The following NRXN3 variants were observed in gnomAD, a reference collection of about 807,000 sequenced individuals.
NRXN3 encodes the protein neurexin 3.
NRXN3 carries 32 observed loss-of-function variants against 137.6 expected under a neutral mutation model. The observed-to-expected ratio is 0.23, with a 90% confidence interval of 0.18 to 0.31. NRXN3 has a LOEUF of 0.31. NRXN3 is among the 10% of genes least tolerant of loss of function. NRXN3 has a pLI of 1.00. For synonymous variants in NRXN3, 798 were observed against 784.5 expected (o/e 1.02, Z -0.29); for missense variants, 1,574 against 2,062.5 (o/e 0.76, Z 4.59).
At chr14:79,154,631 C>A (rs921015469) in intron 15 of NRXN3, among the ~76,000 whole-genome samples, 1 of 151,738 alleles carries the variant, frequency 6.6e-6, no homozygotes, top group Non-Finnish European at 1.5e-5. Context: ...CCTCATTTAA[C>A]CTCTCTAGAC....
At chr14:79,536,523 C>A (rs985296729) in intron 16 of NRXN3, among the ~76,000 whole-genome samples, 1 of 151,420 alleles carries the variant, frequency 6.6e-6, no homozygotes, top group Non-Finnish European at 1.5e-5. Flanking sequence ...TAGGTAAATG[C>A]ATTCCATGGT....
At chr14:79,231,915 A>T (rs2072279287) in intron 15 of NRXN3, among the ~76,000 whole-genome samples, 1 of 152,130 alleles carries the variant, frequency 6.6e-6, no homozygotes, top group African/African-American at 2.4e-5. Flanking sequence ...GTGATAGGAG[A>T]GGGAAGTTGA....
At chr14:79,860,332 A>G (rs1302716629) in intron 20 of NRXN3, among the ~76,000 whole-genome samples, 3 of 152,256 alleles carry the variant, frequency 2.0e-5, no homozygotes, top group Admixed American at 2.0e-4. Flanking sequence ...CATGAAAGCA[A>G]TGCATACAAA....
At chr14:79,384,636 A>G (rs1035042930) in intron 15 of NRXN3, among the ~76,000 whole-genome samples, 1 of 152,082 alleles carries the variant, frequency 6.6e-6, no homozygotes, top group Non-Finnish European at 1.5e-5. Flanking sequence ...GACCACAGGC[A>G]TTTTTCCCCA....
intron 4 of NRXN3, among the ~76,000 whole-genome samples, chr14:78,437,236 G>A (rs1488157834): frequency 6.6e-6 from 1 of 152,160 alleles, no homozygotes; most frequent in Non-Finnish European, 1.5e-5. Context: ...CATGCTGAAA[G>A]GTACAGCTAA....
chr14:79,245,615 T>C (rs560650554), intron 15 of NRXN3, among the ~76,000 whole-genome samples: 2 of 152,284 alleles, frequency 1.3e-5, no homozygotes, highest in East Asian at 3.9e-4. Context: ...TGATTTCTGT[T>C]ACATGCAACC....
At chr14:78,331,906 C>T (rs1176076177) in intron 4 of NRXN3, among the ~76,000 whole-genome samples, 4 of 152,192 alleles carry the variant, frequency 2.6e-5, no homozygotes, top group Non-Finnish European at 5.9e-5. Flanking sequence ...AAAACAAGGA[C>T]CATGTAATTA....
chr14:78,839,535 A>C (rs569596593), intron 10 of NRXN3, among the ~76,000 whole-genome samples: 2 of 152,288 alleles, frequency 1.3e-5, no homozygotes, highest in Admixed American at 1.3e-4. Context: ...TGACAGCACT[A>C]TCTGGAGTGA....
chr14:79,104,825 C>CT (rs34769633), intron 15 of NRXN3, among the ~76,000 whole-genome samples: 49,167 of 144,158 alleles, frequency 0.34, 8,574 homozygotes, highest in Admixed American at 0.47. Context: ...TATGATAGGG[C>CT]TTTTTTTTTT....
chr14:78,886,185 G>C (rs2099143114), intron 10 of NRXN3, among the ~76,000 whole-genome samples: 1 of 152,094 alleles, frequency 6.6e-6, no homozygotes, highest in Non-Finnish European at 1.5e-5. Context: ...ATATTTGGTG[G>C]ACAGTAAATG....
At chr14:79,757,680 T>C in intron 19 of NRXN3, among the ~76,000 whole-genome samples, 1 of 152,220 alleles carries the variant, frequency 6.6e-6, no homozygotes, top group East Asian at 1.9e-4. Flanking sequence ...TTAGGACTCC[T>C]GAGTTCCTGC....
At chr14:78,956,970 C>T (rs955146350) in intron 10 of NRXN3, among the ~76,000 whole-genome samples, 4 of 152,146 alleles carry the variant, frequency 2.6e-5, no homozygotes, top group Non-Finnish European at 5.9e-5. Context: ...TGCTTACTGC[C>T]ATTGGCATTT....
At chr14:78,822,181 CA>C (rs763907126) in intron 10 of NRXN3, among the ~76,000 whole-genome samples, 52 of 152,226 alleles carry the variant, frequency 3.4e-4, no homozygotes, top group Middle Eastern at 3.4e-3. Flanking sequence ...AGGATATTTA[CA>C]ATAAACATTT....
intron 10 of NRXN3, among the ~76,000 whole-genome samples, chr14:78,835,193 T>C (rs566354348): frequency 3.9e-5 from 6 of 152,292 alleles, no homozygotes; most frequent in African/African-American, 1.4e-4. Context: ...GAGTAGAGAA[T>C]AGCGGTGGCG....
chr14:79,430,106 C>T (rs1326699712), intron 15 of NRXN3, among the ~76,000 whole-genome samples: 1 of 152,128 alleles, frequency 6.6e-6, no homozygotes, highest in African/African-American at 2.4e-5. Flanking sequence ...CAAAATTCTT[C>T]ACCTAATAGC....
At position 79,448,622 on chromosome 14, in the gene NRXN3, C is replaced by T. The variant is rs187629652; in HGVS notation, c.3263-18599C>T. Among the ~76,000 whole-genome samples, 632 of 152,226 alleles carry T rather than the reference C, an allele frequency of 4.2e-3. 7 individuals are homozygous for T. Among genetic ancestry groups the T allele is most frequent in the African/African-American group, 0.015 (618 of 41,528 alleles). Reference sequence around the variant, plus strand: ...AGTACATATTTAACAGTGTGTGTAGCCATCCATACAGTAAAGAATTCTGCA... The same window carrying T: ...AGTACATATTTAACAGTGTGTGTAGTCATCCATACAGTAAAGAATTCTGCA... On this transcript the variant is annotated intron_variant, in intron 15 of 20. Coordinates refer to ENST00000335750, the MANE Select transcript of NRXN3 (RefSeq NM_001330195.2).
intron 6 of NRXN3, among the ~76,000 whole-genome samples, chr14:78,703,329 G>T (rs569127174): frequency 1.3e-5 from 2 of 152,302 alleles, no homozygotes; most frequent in South Asian, 4.1e-4. Flanking sequence ...CTGCCTGAGG[G>T]AGAGAAGGGA....
intron 1 of NRXN3, among the ~76,000 whole-genome samples, chr14:78,221,671 G>T (rs1475035431): frequency 6.6e-6 from 1 of 152,158 alleles, no homozygotes; most frequent in Admixed American, 6.5e-5. Flanking sequence ...CAGTGATCTT[G>T]CACCTGCAGT....
intron 15 of NRXN3, among the ~76,000 whole-genome samples, chr14:79,256,905 A>G (rs1286107151): frequency 1.3e-5 from 2 of 152,118 alleles, no homozygotes; most frequent in African/African-American, 4.8e-5. Flanking sequence ...GTGCATGCAT[A>G]CATGTGTGTG....
Sources: allele counts gnomAD v4.1 joint callset (sites outside exome capture counted in the v4.1 genomes callset), GRCh38; gene constraint gnomAD v4.1.1; transcripts MANE v1.5; gene names NCBI Gene and HGNC (gene_info 2026-07-23, HGNC 2026-07-21).